The following UBE3C variants were observed in gnomAD, a reference collection of about 807,000 sequenced individuals.
The protein encoded by UBE3C is ubiquitin-protein ligase E3C.
Under a neutral mutation model 129.4 loss-of-function variants are expected in UBE3C, and 42 were observed. That is an observed-to-expected ratio of 0.32 (90% CI 0.25 to 0.42). UBE3C has a LOEUF of 0.42. Among genes scored for constraint, UBE3C ranks in the 10% least tolerant of loss-of-function variants. The pLI, the probability that UBE3C is intolerant of heterozygous loss-of-function variation, is 1.00. For synonymous variants in UBE3C, 510 were observed against 492.4 expected (o/e 1.04, Z -0.47); for missense variants, 1,049 against 1,319.1 (o/e 0.80, Z 3.17).
chr7:157,211,001 A>G (rs1809575756), intron 13 of UBE3C, among the ~76,000 whole-genome samples: 2 of 152,204 alleles, frequency 1.3e-5, no homozygotes, highest in South Asian at 4.1e-4. Flanking sequence ...TTGAAGTGTA[A>G]TTTAGAGCTA....
intron 22 of UBE3C, among the ~76,000 whole-genome samples, chr7:157,265,405 C>T (rs376523188): frequency 3.3e-5 from 5 of 152,322 alleles, no homozygotes; most frequent in African/African-American, 7.2e-5. Context: ...GTGGAGTCAC[C>T]GGTTCTTCGT....
At chr7:157,248,934 G>A (rs2116682297) in intron 19 of UBE3C, among the ~76,000 whole-genome samples, 1 of 152,248 alleles carries the variant, frequency 6.6e-6, no homozygotes, top group East Asian at 1.9e-4. Context: ...CTCACTCCTT[G>A]CCCGCTCAGA....
intron 4 of UBE3C, 91 bp from the exon 5 acceptor site, chr7:157,174,828 T>C (rs1808471896): frequency 1.2e-6 from 1 of 863,422 alleles, no homozygotes; most frequent in East Asian, 2.7e-5. Context: ...TAAATGTGCA[T>C]TGCCACTAAA....
intron 11 of UBE3C, among the ~76,000 whole-genome samples, chr7:157,203,231 T>C (rs1248988226): frequency 6.6e-6 from 1 of 151,960 alleles, no homozygotes; most frequent in Non-Finnish European, 1.5e-5. Context: ...GAAAGGGGAG[T>C]TTTACTGCTG....
chr7:157,181,697 T>C (rs765040531), intron 7 of UBE3C, 26 bp downstream of exon 7: 3 of 1,607,804 alleles, frequency 1.9e-6, no homozygotes, highest in Non-Finnish European at 2.5e-6. Context: ...ATTTATTGAT[T>C]TTGTCCTTTC....
intron 5 of UBE3C, among the ~76,000 whole-genome samples, chr7:157,176,503 G>A (rs1808521573): frequency 6.6e-6 from 1 of 152,204 alleles, no homozygotes; most frequent in Non-Finnish European, 1.5e-5. Context: ...TCAAACTCCT[G>A]ACCTCAGGTC....
intron 10 of UBE3C, among the ~76,000 whole-genome samples, chr7:157,201,336 AAG>A (rs1274005245): frequency 4.6e-5 from 7 of 152,100 alleles, no homozygotes; most frequent in Middle Eastern, 3.2e-3. Context: ...AAAAAATAAA[AAG>A]AAAAGTATAA....
Position 157,201,811 on chromosome 7 carries a change from T to G in UBE3C, c.1418+4T>G. 5 of 1,603,568 alleles carry G rather than the reference T, an allele frequency of 3.1e-6. No homozygotes were observed. Among genetic ancestry groups the G allele is most frequent in the Non-Finnish European group, 4.3e-6 (5 of 1,175,404 alleles). ...TGTCAACACGGATGATCACAGGGTA[T>G]GTATTATACAGACTTATAAATTGAG... On this transcript the variant is annotated splice_donor_region_variant and intron_variant, in intron 11 of 22. Transcript: ENST00000348165.
chr7:157,144,756 C>T (rs1807559528), intron 1 of UBE3C, among the ~76,000 whole-genome samples: 1 of 152,038 alleles, frequency 6.6e-6, no homozygotes, highest in Admixed American at 6.6e-5. Flanking sequence ...GGTAGGGTTC[C>T]CATATGCCTA....
At chr7:157,169,292 T>C (rs1808300866) in intron 3 of UBE3C, among the ~76,000 whole-genome samples, 170 bp downstream of exon 3, 1 of 152,148 alleles carries the variant, frequency 6.6e-6, no homozygotes, top group Non-Finnish European at 1.5e-5. Flanking sequence ...GGTGAGTTTT[T>C]AGGTAATTTT....
At chr7:157,142,739 A>G (rs1807489234) in intron 1 of UBE3C, among the ~76,000 whole-genome samples, 1 of 152,186 alleles carries the variant, frequency 6.6e-6, no homozygotes, top group Admixed American at 6.5e-5. Flanking sequence ...ACCTGTTGGT[A>G]ACTGTGCTCA....
At chr7:157,190,361 A>G (rs553443664) in intron 10 of UBE3C, among the ~76,000 whole-genome samples, 2 of 152,116 alleles carry the variant, frequency 1.3e-5, no homozygotes, top group East Asian at 3.9e-4. Flanking sequence ...CCCGTCATCT[A>G]CTTGGTTGTC....
At chr7:157,261,374 G>A (rs1271262786) in intron 22 of UBE3C, among the ~76,000 whole-genome samples, 2 of 144,248 alleles carry the variant, frequency 1.4e-5, no homozygotes, top group Admixed American at 1.4e-4. Context: ...TCCTACCCCA[G>A]TCAAGACCCC....
Position 157,186,832 on chromosome 7 carries a change from A to G in UBE3C, c.1144-2A>G. 6.2e-7 allele frequency: 1 copy of G among 1,614,012 alleles called. No homozygotes were observed. The highest frequency in any genetic ancestry group is 8.5e-7 in the Non-Finnish European group (1 of 1,179,966). On this transcript the variant is annotated splice_acceptor_variant, in intron 9 of 22. Transcript: ENST00000348165. LOFTEE classifies it high-confidence loss of function. Reference sequence around the variant, plus strand: ...GAGACTGGTTGTTCTGGTATGTTCTAGGAGGATGGCAGACTGTCAGTATCA... The same window carrying G: ...GAGACTGGTTGTTCTGGTATGTTCTGGGAGGATGGCAGACTGTCAGTATCA...
intron 13 of UBE3C, among the ~76,000 whole-genome samples, chr7:157,216,235 C>G (rs1325879173): frequency 1.3e-5 from 2 of 151,994 alleles, no homozygotes; most frequent in African/African-American, 2.4e-5. Context: ...GCCGTTAGTA[C>G]ATTATTTCTC....
In UBE3C at chr7:157,201,762, A is replaced by G; in HGVS notation, c.1373A>G (p.His458Arg). ...SLAFNARFLR[H>R]LWFLISSMST... ...GCCTTTAATGCCAGGTTTCTGAGAC[A>G]TCTTTGGTTTCTAATATCTTCCATG... Residue 458 changes from histidine to arginine, a missense_variant, in exon 11 of 23, where the codon CAT becomes CGT. Around this residue, in one of 4 missense-constraint regions of UBE3C, gnomAD observed 314 missense variants for 416.9 expected, o/e 0.75. Transcript: ENST00000348165. 3.1e-6 allele frequency: 5 copies of G among 1,609,338 alleles called. No homozygotes were observed. Among genetic ancestry groups the G allele is most frequent in the Non-Finnish European group, 4.2e-6 (5 of 1,179,042 alleles).
At chr7:157,149,392 G>A (rs143560765) in intron 1 of UBE3C, among the ~76,000 whole-genome samples, 1 of 152,082 alleles carries the variant, frequency 6.6e-6, no homozygotes, top group South Asian at 2.1e-4. Context: ...GAAACCAAGC[G>A]GAATGGAAGG....
chr7:157,231,299 A>G lies in UBE3C; in HGVS notation c.2453A>G (p.Tyr818Cys). Residue 818 changes from tyrosine to cysteine, a missense_variant, in exon 18 of 23, where the codon TAC becomes TGC. Physicochemically the swap from Tyr to Cys is radical, Grantham distance 194. Around this residue, in one of 4 missense-constraint regions of UBE3C, gnomAD observed 243 missense variants for 368.7 expected, o/e 0.66. Transcript: ENST00000348165. Reference protein sequence around the residue: ...MLVGDSFARHYYFLGRMLGKA... With the variant: ...MLVGDSFARHCYFLGRMLGKA... ...GTGGGAGATTCTTTTGCCAGACATT[A>G]CTACTTCCTAGGCAGAATGCTTGGA... 6.2e-7 allele frequency: 1 copy of G among 1,614,142 alleles called. No homozygotes were observed. Among genetic ancestry groups the G allele is most frequent in the Non-Finnish European group, 8.5e-7 (1 of 1,180,006 alleles).
At chr7:157,195,713 A>G (rs772540763) in intron 10 of UBE3C, among the ~76,000 whole-genome samples, 3 of 152,198 alleles carry the variant, frequency 2.0e-5, no homozygotes, top group Non-Finnish European at 1.5e-5. Flanking sequence ...AGATGGCTTT[A>G]GTGTGAGATT....
Sources: allele counts gnomAD v4.1 joint callset (sites outside exome capture counted in the v4.1 genomes callset), GRCh38; gene constraint gnomAD v4.1.1; regional missense constraint gnomAD v4.1.1; transcripts MANE v1.5; gene names NCBI Gene and HGNC (gene_info 2026-07-23, HGNC 2026-07-21).